The following SYNDIG1 variants were observed in gnomAD, a reference collection of about 807,000 sequenced individuals.
SYNDIG1 encodes synapse differentiation inducing 1, also known as synapse differentiation-inducing gene protein 1.
SYNDIG1 carries 9 observed loss-of-function variants against 19.4 expected under a neutral mutation model. The observed-to-expected ratio is 0.46, with a 90% CI of 0.28 to 0.81. SYNDIG1 has a LOEUF of 0.81. Ranked by LOEUF, SYNDIG1 falls within the 30% of genes least tolerant of loss-of-function variation. SYNDIG1 has a pLI of 0.12. For missense variants in SYNDIG1, 311 were observed against 343.3 expected, an observed-to-expected ratio of 0.91 and a Z score of 0.74; for synonymous variants, 141 against 145.9, an observed-to-expected ratio of 0.97 and a Z score of 0.24.
intron 3 of SYNDIG1, among the ~76,000 whole-genome samples, chr20:24,640,132 G>C (rs894323109): frequency 1.3e-5 from 2 of 151,982 alleles, no homozygotes; most frequent in South Asian, 2.1e-4. Context: ...TCAGGAGTTC[G>C]AGACTAGCCT....
chr20:24,571,771 A>T (rs988928475), intron 2 of SYNDIG1, among the ~76,000 whole-genome samples: 2 of 152,188 alleles, frequency 1.3e-5, no homozygotes, highest in African/African-American at 4.8e-5. Context: ...GGTTTACTAT[A>T]ATTTGGTTTT....
At chr20:24,533,593 A>T (rs1186796405) in intron 1 of SYNDIG1, among the ~76,000 whole-genome samples, 1 of 152,006 alleles carries the variant, frequency 6.6e-6, no homozygotes, top group African/African-American at 2.4e-5. Flanking sequence ...AGGGAAGGCC[A>T]TAGACAAATG....
chr20:24,601,711 T>A (rs1258242360), intron 3 of SYNDIG1, among the ~76,000 whole-genome samples: 1 of 152,184 alleles, frequency 6.6e-6, no homozygotes, highest in Non-Finnish European at 1.5e-5. Context: ...TTGTTGATAT[T>A]TATCTGTAGA....
intron 1 of SYNDIG1, among the ~76,000 whole-genome samples, chr20:24,512,595 G>A (rs2056772955): frequency 6.6e-6 from 1 of 152,128 alleles, no homozygotes; most frequent in Non-Finnish European, 1.5e-5. Flanking sequence ...CTGGGGGAGG[G>A]GCGCCTGCCA....
At chr20:24,505,399 C>T (rs1242804857) in intron 1 of SYNDIG1, among the ~76,000 whole-genome samples, 1 of 152,140 alleles carries the variant, frequency 6.6e-6, no homozygotes, top group East Asian at 1.9e-4. Context: ...TTAGGACCCC[C>T]TCAGCGGGGA....
At chr20:24,558,494 T>C (rs2057871598) in intron 2 of SYNDIG1, among the ~76,000 whole-genome samples, 1 of 152,230 alleles carries the variant, frequency 6.6e-6, no homozygotes, top group African/African-American at 2.4e-5. Context: ...TCTCTGTCTT[T>C]TGATTGGAGT....
intron 2 of SYNDIG1, among the ~76,000 whole-genome samples, chr20:24,580,953 G>A (rs1398362880): frequency 2.0e-5 from 3 of 152,158 alleles, no homozygotes; most frequent in Admixed American, 6.5e-5. Context: ...TTCCCCAAGC[G>A]TTGACTAAGA....
intron 2 of SYNDIG1, among the ~76,000 whole-genome samples, chr20:24,567,075 A>G (rs1166022916): frequency 1.3e-5 from 2 of 152,138 alleles, no homozygotes; most frequent in Non-Finnish European, 2.9e-5. Flanking sequence ...ACTTTTCCTT[A>G]GTTCAGCTAA....
chr20:24,507,761 G>C (rs1252293151), intron 1 of SYNDIG1, among the ~76,000 whole-genome samples: 2 of 152,230 alleles, frequency 1.3e-5, no homozygotes, highest in Non-Finnish European at 2.9e-5. Flanking sequence ...AACCAGAAGA[G>C]AAGCAGGCAG....
rs377364916 is a variant in SYNDIG1 at position 24,576,713 on chromosome 20, C to G, written c.481-8143C>G. Among the ~76,000 whole-genome samples the G allele has an allele frequency of 9.9e-5, 15 of 152,244 alleles. No homozygotes were observed. The South Asian group carries it at 3.1e-3, about 32-fold the overall frequency. ...TGGACTCCCCAGCCCTGCCCCCAGGCTGGGCACTTGCTCCCCACCCTCAGC... is the reference window on the plus strand; with the variant it reads ...TGGACTCCCCAGCCCTGCCCCCAGGGTGGGCACTTGCTCCCCACCCTCAGC... On this transcript the variant is annotated intron_variant, in intron 2 of 3. Transcript: ENST00000376862.
intron 1 of SYNDIG1, among the ~76,000 whole-genome samples, chr20:24,534,795 A>G (rs758563393): frequency 6.6e-6 from 1 of 152,208 alleles, no homozygotes; most frequent in Non-Finnish European, 1.5e-5. Flanking sequence ...TGTCAGGTGG[A>G]TGCATGGAAG....
chr20:24,628,654 T>C lies in SYNDIG1; in HGVS notation c.619-36692T>C, dbSNP rs73902790. ...CTGCTCCCCACCCAATCAAAACACA[T>C]TGTGAGTGGCAGTGGGGCCAGCAGA... is the stretch of plus-strand genomic sequence containing the variant. On this transcript the variant is annotated intron_variant, in intron 3 of 3. Coordinates refer to ENST00000376862, the MANE Select transcript of SYNDIG1 (RefSeq NM_024893.3). Among the ~76,000 whole-genome samples the C allele has an allele frequency of 7.5e-3, 1,137 of 152,316 alleles. 18 individuals carry two copies. Among genetic ancestry groups the C allele is most frequent in the African/African-American group, 0.026 (1,078 of 41,552 alleles).
At chr20:24,603,604 G>A (rs1343807678) in intron 3 of SYNDIG1, among the ~76,000 whole-genome samples, 2 of 152,186 alleles carry the variant, frequency 1.3e-5, no homozygotes, top group East Asian at 1.9e-4. Flanking sequence ...GGATGGCAGC[G>A]GAGGGTCAGA....
intron 1 of SYNDIG1, among the ~76,000 whole-genome samples, chr20:24,519,491 TC>T (rs1264624297): frequency 6.6e-6 from 1 of 152,172 alleles, no homozygotes; most frequent in Non-Finnish European, 1.5e-5. Flanking sequence ...TTTAAATAGA[TC>T]ATTTATGATG....
chr20:24,565,732 G>A (rs905924972), intron 2 of SYNDIG1, among the ~76,000 whole-genome samples: 3 of 152,270 alleles, frequency 2.0e-5, no homozygotes, highest in Non-Finnish European at 4.4e-5. Flanking sequence ...GGATCTCCCA[G>A]CAGCCCCAAC....
rs564510868 is a variant in SYNDIG1 at position 24,500,630 on chromosome 20, C to G, written c.-79+30877C>G. ...GATGTGTGCCATGCTTGTTACAGATCGTAAAACCCAAGCGCACTGCTGTGT... is the reference window on the plus strand; with the variant it reads ...GATGTGTGCCATGCTTGTTACAGATGGTAAAACCCAAGCGCACTGCTGTGT... On this transcript the variant is annotated intron_variant, in intron 1 of 3. Transcript: ENST00000376862. Among the ~76,000 whole-genome samples the G allele has an allele frequency of 4.6e-5, 7 of 151,490 alleles. No individual in the cohort carries two copies. The South Asian group carries it at 1.5e-3, about 32-fold the overall frequency.
intron 3 of SYNDIG1, among the ~76,000 whole-genome samples, chr20:24,637,040 C>A (rs1250861788): frequency 1.3e-5 from 2 of 152,230 alleles, no homozygotes; most frequent in African/African-American, 4.8e-5. Context: ...GACCTTTTCC[C>A]TGTGGGGGAT....
chr20:24,550,809 C>T (rs1320861444), intron 2 of SYNDIG1, among the ~76,000 whole-genome samples: 1 of 152,180 alleles, frequency 6.6e-6, no homozygotes, highest in Non-Finnish European at 1.5e-5. Flanking sequence ...TGCGCCCAGC[C>T]TACATTAACT....
intron 3 of SYNDIG1, among the ~76,000 whole-genome samples, chr20:24,590,582 C>T (rs564637354): frequency 4.9e-4 from 75 of 152,090 alleles, no homozygotes; most frequent in Non-Finnish European, 9.0e-4. Context: ...TGGGGAGCTG[C>T]GGGGTGTCTT....
Sources: gnomAD v4.1 joint callset for allele counts (sites outside exome capture counted in the v4.1 genomes callset) on GRCh38, gnomAD v4.1.1 for gene constraint, MANE v1.5 for transcripts, NCBI Gene and HGNC (gene_info 2026-07-23, HGNC 2026-07-21) for gene names.